GRID1: variants seen among roughly 807,000 people sequenced by gnomAD.
GRID1 encodes the protein glutamate receptor ionotropic, delta-1.
In GRID1, 28 loss-of-function variants were observed where a neutral mutation model predicts 98.0. The ratio of observed to expected loss-of-function variants is 0.29; its 90% CI spans 0.21 to 0.39. The LOEUF is 0.39. GRID1 is among the 10% of genes least tolerant of loss of function. The pLI, the probability that GRID1 is intolerant of heterozygous loss-of-function variation, is 1.00. For missense variants in GRID1, 1,111 were observed against 1,340.5 expected, an observed-to-expected ratio of 0.83 and a Z score of 2.67; for synonymous variants, 553 against 538.5, an observed-to-expected ratio of 1.03 and a Z score of -0.37.
rs1197959884 is a variant in GRID1, at chr10:85,974,086, T to C, written c.727-57847A>G. Among the ~76,000 whole-genome samples the C allele has an allele frequency of 3.3e-5, 5 of 152,242 alleles. No homozygotes were observed. In the East Asian group the frequency reaches 9.7e-4, roughly 29 times the overall value. ...GGCATATTCTCTTTATCAGAGTAGA[T>C]GGGTAGGTGGACGCCTGCTTTCTAC... On this transcript the variant is annotated intron_variant, in intron 4 of 15. Coordinates refer to ENST00000327946, the MANE Select transcript of GRID1 (RefSeq NM_017551.3).
At chr10:85,687,685 G>T (rs1176464691) in intron 12 of GRID1, among the ~76,000 whole-genome samples, 1 of 152,152 alleles carries the variant, frequency 6.6e-6, no homozygotes, top group Admixed American at 6.6e-5. Context: ...AATATTTAAG[G>T]CAATAAAGTA....
At chr10:85,623,183 C>G (rs1379094586) in intron 13 of GRID1, among the ~76,000 whole-genome samples, 2 of 152,168 alleles carry the variant, frequency 1.3e-5, no homozygotes, top group African/African-American at 4.8e-5. Context: ...CTTTGGGTCC[C>G]CAAATTCATT....
chr10:85,894,865 C>T (rs1162495826), intron 5 of GRID1, among the ~76,000 whole-genome samples: 3 of 151,144 alleles, frequency 2.0e-5, no homozygotes, highest in African/African-American at 7.3e-5. Context: ...AAAATTAGCC[C>T]GGCATGGTGG....
chr10:85,673,877 T>C (rs1841115206), intron 12 of GRID1, among the ~76,000 whole-genome samples: 1 of 152,196 alleles, frequency 6.6e-6, no homozygotes, highest in African/African-American at 2.4e-5. Flanking sequence ...ATGAGTTTGC[T>C]CATCTTTCAC....
chr10:86,358,876 G>A (rs116732677), intron 2 of GRID1, among the ~76,000 whole-genome samples: 2 of 151,816 alleles, frequency 1.3e-5, no homozygotes, highest in Admixed American at 1.3e-4. Flanking sequence ...GAGATGTGAT[G>A]ACAGAAGCCA....
intron 13 of GRID1, among the ~76,000 whole-genome samples, chr10:85,631,754 G>GA (rs948917689): frequency 3.3e-5 from 5 of 152,052 alleles, no homozygotes; most frequent in African/African-American, 1.2e-4. Flanking sequence ...TATTCCATGG[G>GA]AAAAATTAAG....
At chr10:86,350,658 A>T (rs1269908969) in intron 2 of GRID1, among the ~76,000 whole-genome samples, 3 of 152,254 alleles carry the variant, frequency 2.0e-5, no homozygotes, top group Admixed American at 6.5e-5. Flanking sequence ...TGCCTTTTTT[A>T]AAATTGATGT....
intron 8 of GRID1, among the ~76,000 whole-genome samples, chr10:85,738,503 A>G (rs1378316155): frequency 1.3e-5 from 2 of 152,244 alleles, no homozygotes; most frequent in Non-Finnish European, 2.9e-5. Context: ...TAGACATTAC[A>G]TAAGGGAGAT....
intron 5 of GRID1, among the ~76,000 whole-genome samples, chr10:85,902,363 A>T (rs1210530541): frequency 1.3e-5 from 2 of 152,226 alleles, no homozygotes; most frequent in African/African-American, 4.8e-5. Context: ...AGAGCATGCG[A>T]TTGAAAAACG....
At chr10:86,191,687 G>A (rs1174616905) in intron 3 of GRID1, among the ~76,000 whole-genome samples, 1 of 152,090 alleles carries the variant, frequency 6.6e-6, no homozygotes, top group Non-Finnish European at 1.5e-5. Flanking sequence ...CCTCTATGAG[G>A]TCCCAGTACC....
At chr10:85,699,817 C>A (rs1841432361) in intron 12 of GRID1, among the ~76,000 whole-genome samples, 1 of 152,090 alleles carries the variant, frequency 6.6e-6, no homozygotes, top group Non-Finnish European at 1.5e-5. Flanking sequence ...GCCTATCTTT[C>A]CTTAGTTTAA....
chr10:85,813,738 TC>T (rs1758919392), intron 8 of GRID1, among the ~76,000 whole-genome samples: 1 of 151,874 alleles, frequency 6.6e-6, no homozygotes, highest in African/African-American at 2.4e-5. Context: ...TTTTCTTATA[TC>T]TTAAGTACTT....
chr10:85,663,996 C>A (rs1840993686), intron 12 of GRID1, among the ~76,000 whole-genome samples: 1 of 152,142 alleles, frequency 6.6e-6, no homozygotes, highest in Non-Finnish European at 1.5e-5. Flanking sequence ...GTATAAAAGG[C>A]ACAGTGTCCT....
chr10:86,132,784 A>C (rs1844857190), intron 4 of GRID1, among the ~76,000 whole-genome samples: 2 of 152,222 alleles, frequency 1.3e-5, no homozygotes, highest in African/African-American at 4.8e-5. Flanking sequence ...AAACTCTGAG[A>C]AGCAATTGAT....
intron 12 of GRID1, among the ~76,000 whole-genome samples, chr10:85,668,805 C>T (rs1011285423): frequency 6.6e-6 from 1 of 152,212 alleles, no homozygotes; most frequent in African/African-American, 2.4e-5. Context: ...AGGCAGGTCA[C>T]CAATATTCAG....
At chr10:85,676,301 C>T (rs1177379685) in intron 12 of GRID1, among the ~76,000 whole-genome samples, 1 of 152,130 alleles carries the variant, frequency 6.6e-6, no homozygotes, top group Non-Finnish European at 1.5e-5. Context: ...CAGCCCACAG[C>T]CAGCAACTGA....
chr10:85,782,188 C>T (rs557607925), intron 8 of GRID1, among the ~76,000 whole-genome samples: 1 of 152,286 alleles, frequency 6.6e-6, no homozygotes, highest in South Asian at 2.1e-4. Flanking sequence ...AATTACGACA[C>T]TTAACAACTG....
intron 4 of GRID1, among the ~76,000 whole-genome samples, chr10:85,929,227 G>C (rs765054460): frequency 6.6e-6 from 1 of 152,146 alleles, no homozygotes; most frequent in Non-Finnish European, 1.5e-5. Flanking sequence ...TGTGTGCAAG[G>C]CCAGCACAGG....
chr10:85,879,292 C>T (rs1840962441), intron 5 of GRID1, among the ~76,000 whole-genome samples: 1 of 152,156 alleles, frequency 6.6e-6, no homozygotes, highest in Non-Finnish European at 1.5e-5. Flanking sequence ...CTACAGAACT[C>T]TCCACCCCAA....
Sources: gnomAD v4.1 joint callset for allele counts (sites outside exome capture counted in the v4.1 genomes callset) on GRCh38, gnomAD v4.1.1 for gene constraint, MANE v1.5 for transcripts, NCBI Gene and HGNC (gene_info 2026-07-23, HGNC 2026-07-21) for gene names.